Variants in NFAT5 observed in about 807,000 individuals in gnomAD.
The protein encoded by NFAT5 is nuclear factor of activated T cells 5.
In NFAT5, 31 loss-of-function variants were observed where a neutral mutation model predicts 166.5. The observed-to-expected ratio is 0.19, with a 90% CI of 0.14 to 0.25. NFAT5 has a LOEUF of 0.25. Among genes scored for constraint, NFAT5 ranks in the 10% least tolerant of loss-of-function variants. The pLI, the probability that NFAT5 is intolerant of heterozygous loss-of-function variation, is 1.00. For synonymous variants in NFAT5, 612 were observed against 639.7 expected (o/e 0.96, Z 0.65); for missense variants, 1,449 against 1,821.8 (o/e 0.80, Z 3.72).
intron 11 of NFAT5, among the ~76,000 whole-genome samples, chr16:69,687,436 G>GAAAAAA (rs374420987): frequency 1.2e-5 from 1 of 85,426 alleles, no homozygotes. Context: ...GCAAGACTCT[G>GAAAAAA]AAAAAAAAAA....
chr16:69,669,846 G>GTAAC (rs978754777), intron 7 of NFAT5, 131 bp from the exon 8 acceptor site: 1 of 751,974 alleles, frequency 1.3e-6, no homozygotes, highest in African/African-American at 1.8e-5. Context: ...AGATAATTGT[G>GTAAC]TAACTATAAA....
At chr16:69,646,463 T>C (rs2035443568) in intron 3 of NFAT5, 1 of 738,776 alleles carries the variant, frequency 1.4e-6, no homozygotes. Context: ...ATAATTGATA[T>C]CTGGAATAAT....
chr16:69,636,826 G>A (rs896238291), intron 3 of NFAT5, among the ~76,000 whole-genome samples: 1 of 152,162 alleles, frequency 6.6e-6, no homozygotes, highest in African/African-American at 2.4e-5. Flanking sequence ...AAAGGTCTCT[G>A]ACATGGCCTG....
chr16:69,592,129 G>A (rs2151527205), intron 2 of NFAT5, among the ~76,000 whole-genome samples: 1 of 146,902 alleles, frequency 6.8e-6, no homozygotes, highest in Middle Eastern at 3.5e-3. Context: ...ACCCAGGCTG[G>A]AGTGCAGTGG....
intron 7 of NFAT5, among the ~76,000 whole-genome samples, chr16:69,662,760 G>A (rs113184330): frequency 1.1e-4 from 16 of 152,108 alleles, no homozygotes; most frequent in East Asian, 3.9e-4. Flanking sequence ...GCGCCCGGCC[G>A]ACAACACCTC....
At chr16:69,650,449 CATTTT>C (rs1373457063) in intron 4 of NFAT5, among the ~76,000 whole-genome samples, 2 of 152,078 alleles carry the variant, frequency 1.3e-5, no homozygotes, top group East Asian at 3.9e-4. Context: ...TCTAAAGTAC[CATTTT>C]AGAAATTGCT....
chr16:69,634,896 C>T (rs941714104), intron 3 of NFAT5, among the ~76,000 whole-genome samples: 3 of 151,978 alleles, frequency 2.0e-5, no homozygotes, highest in Non-Finnish European at 4.4e-5. Flanking sequence ...ACAATAATAC[C>T]AACTTCTTCT....
At chr16:69,620,634 C>G (rs2034155721) in intron 2 of NFAT5, among the ~76,000 whole-genome samples, 1 of 152,104 alleles carries the variant, frequency 6.6e-6, no homozygotes, top group East Asian at 1.9e-4. Context: ...AATAATCACC[C>G]TAGTCTTGGC....
intron 2 of NFAT5, among the ~76,000 whole-genome samples, chr16:69,585,173 AT>A (rs966739023): frequency 6.7e-6 from 1 of 150,134 alleles, no homozygotes; most frequent in Non-Finnish European, 1.5e-5. Context: ...AATTATTATT[AT>A]TTTTTTTTGT....
intron 10 of NFAT5, among the ~76,000 whole-genome samples, chr16:69,680,976 T>A (rs1054495151): frequency 6.6e-6 from 1 of 152,156 alleles, no homozygotes; most frequent in Non-Finnish European, 1.5e-5. Flanking sequence ...GCCAGGCTGG[T>A]CTCTAACTCC....
chr16:69,661,355 T>G (rs1284235756), intron 7 of NFAT5, among the ~76,000 whole-genome samples: 1 of 145,374 alleles, frequency 6.9e-6, no homozygotes, highest in Non-Finnish European at 1.5e-5. Context: ...AACAACATAA[T>G]GAGAGAACCT....
rs147659823 is a variant in NFAT5 at position 69,648,937 on chromosome 16, A to C, written c.812+1351A>C. 9.0e-4 allele frequency: 879 copies of C among 974,374 alleles called. 12 individuals carry two copies. In the African/African-American group the frequency reaches 0.014, roughly 16 times the overall value. The allele number at this position is 974,374 out of a possible 1,614,324, so 60.4% of individuals were successfully genotyped here. On this transcript the variant is annotated intron_variant, in intron 4 of 14. Coordinates refer to ENST00000349945, the MANE Select transcript of NFAT5 (RefSeq NM_138713.4). ...AAAAGTAATATCTACCCTTTAAGCA[A>C]TAATTACTCTACACCGCTTCTTTAC...
At chr16:69,669,893 T>G (rs1316378403) in intron 7 of NFAT5, 84 bp from the exon 8 acceptor site, 2 of 1,227,328 alleles carry the variant, frequency 1.6e-6, no homozygotes, top group Admixed American at 5.4e-5. Context: ...AGACAACTCA[T>G]AGAACCGGAT....
chr16:69,607,539 C>T (rs1305385019), intron 2 of NFAT5, among the ~76,000 whole-genome samples: 2 of 152,120 alleles, frequency 1.3e-5, no homozygotes, highest in Non-Finnish European at 2.9e-5. Flanking sequence ...AACCTTTATC[C>T]CCTGAGTCTT....
chr16:69,651,222 A>G (rs56114160), intron 4 of NFAT5, among the ~76,000 whole-genome samples: 2,839 of 152,212 alleles, frequency 0.019, 90 homozygotes, highest in African/African-American at 0.065. Flanking sequence ...AGCACCTGTT[A>G]TGTTTCAGGA....
At chr16:69,578,962 C>T (rs1327975474) in intron 2 of NFAT5, among the ~76,000 whole-genome samples, 1 of 151,734 alleles carries the variant, frequency 6.6e-6, no homozygotes, top group Non-Finnish European at 1.5e-5. Flanking sequence ...GCAAGCTCCT[C>T]CTCCCAGGCT....
Position 69,703,081 on chromosome 16 carries a change from A to G in NFAT5, c.*6730A>G, listed in dbSNP as rs2037925510. 1 of 152,658 alleles carries G rather than the reference A, an allele frequency of 6.6e-6. No homozygotes were observed. The highest frequency in any genetic ancestry group is 2.4e-5 in the African/African-American group (1 of 41,464). The allele number at this position is 152,658 out of a possible 1,614,324, so 9.5% of individuals were successfully genotyped here. ...TGTTTATCCATAAAATGGGTACATT[A>G]TGGGCAGTGTAATACAAGCTTTCTT... On this transcript the variant is annotated 3_prime_UTR_variant, in exon 15 of 15. Transcript: ENST00000349945.
At chr16:69,631,158 T>A (rs1012553854) in intron 3 of NFAT5, among the ~76,000 whole-genome samples, 3 of 152,210 alleles carry the variant, frequency 2.0e-5, no homozygotes, top group Non-Finnish European at 2.9e-5. Flanking sequence ...CTAGGCCGGG[T>A]ACACTGGCTC....
At chr16:69,678,509 G>A (rs948125133) in intron 10 of NFAT5, among the ~76,000 whole-genome samples, 6 of 151,924 alleles carry the variant, frequency 3.9e-5, no homozygotes, top group Admixed American at 6.6e-5. Flanking sequence ...CACCACGTCC[G>A]ACCCTAAAAT....
Sources: gnomAD v4.1 joint callset for allele counts (sites outside exome capture counted in the v4.1 genomes callset) on GRCh38, gnomAD v4.1.1 for gene constraint, MANE v1.5 for transcripts, NCBI Gene and HGNC (gene_info 2026-07-23, HGNC 2026-07-21) for gene names.